CENPP: variants seen among roughly 807,000 people sequenced by gnomAD.
CENPP encodes the protein centromere protein P.
A neutral mutation model predicts 35.6 loss-of-function variants in CENPP; 24 were observed. The ratio of observed to expected loss-of-function variants is 0.67; its 90% CI spans 0.49 to 0.95. The LOEUF (loss-of-function observed/expected upper bound fraction) is 0.95. Among genes scored for constraint, CENPP ranks in the 40% least tolerant of loss-of-function variants. CENPP has a pLI of 0.00. For synonymous variants in CENPP, 120 were observed against 125.5 expected, an observed-to-expected ratio of 0.96 and a Z score of 0.29; for missense variants, 332 against 345.3, an observed-to-expected ratio of 0.96 and a Z score of 0.31.
chr9:92,401,474 T>C (rs1843109114), intron 5 of CENPP, among the ~76,000 whole-genome samples: 1 of 152,222 alleles, frequency 6.6e-6, no homozygotes, highest in African/African-American at 2.4e-5. Flanking sequence ...CATCCTGAAA[T>C]TCCAAATGAA....
chr9:92,612,997 C>T (rs764636730), intron 7 of CENPP, 22 bp from the exon 8 acceptor site: 15 of 1,613,026 alleles, frequency 9.3e-6, no homozygotes, highest in East Asian at 6.7e-5. Flanking sequence ...GTTTCTTACC[C>T]GGTTTAATGT....
At chr9:92,453,407 G>A (rs1479443365) in intron 5 of CENPP, among the ~76,000 whole-genome samples, 1 of 152,168 alleles carries the variant, frequency 6.6e-6, no homozygotes, top group Non-Finnish European at 1.5e-5. Flanking sequence ...TAGTTGAGCG[G>A]TTTTGAGTGA....
chr9:92,483,612 T>G (rs1394733058), intron 5 of CENPP, among the ~76,000 whole-genome samples: 1 of 152,236 alleles, frequency 6.6e-6, no homozygotes, highest in Non-Finnish European at 1.5e-5. Flanking sequence ...TGTATAGATT[T>G]GGAGGCCAGC....
At chr9:92,348,982 G>A (rs1841374665) in intron 4 of CENPP, among the ~76,000 whole-genome samples, 1 of 152,108 alleles carries the variant, frequency 6.6e-6, no homozygotes, top group African/African-American at 2.4e-5. Flanking sequence ...TCTTAATTTT[G>A]TGTTTCTGTA....
At chr9:92,397,742 A>G (rs1842948071) in intron 5 of CENPP, among the ~76,000 whole-genome samples, 1 of 152,222 alleles carries the variant, frequency 6.6e-6, no homozygotes, top group African/African-American at 2.4e-5. Context: ...AGAGAGAGCT[A>G]GGAAATAAAT....
chr9:92,522,065 GTTGTT>G lies in CENPP; in HGVS notation c.565-89221_565-89217del, dbSNP rs538087449. Among the ~76,000 whole-genome samples the G allele has an allele frequency of 4.5e-3, 687 of 152,004 alleles. 2 individuals are homozygous for G. Among genetic ancestry groups the G allele is most frequent in the African/African-American group, 0.012 (487 of 41,474 alleles). ...TTAAGTTGTTTTTGGTTTTTTGGGG[GTTGTT>G]TTGTTTTGTTTTGTTTTGTTTTGTT... On this transcript the variant is annotated intron_variant, in intron 5 of 7. Transcript: ENST00000375587.
chr9:92,366,857 G>C (rs1841899970), intron 4 of CENPP, among the ~76,000 whole-genome samples: 1 of 152,130 alleles, frequency 6.6e-6, no homozygotes, highest in Non-Finnish European at 1.5e-5. Flanking sequence ...GTTACTGCAG[G>C]TTGAACATCC....
At chr9:92,386,400 C>CTTGCATA in intron 5 of CENPP, 2 of 705,176 alleles carry the variant, frequency 2.8e-6, no homozygotes, top group South Asian at 3.3e-5. Flanking sequence ...TATATACAGA[C>CTTGCATA]TTGCATATTG....
At chr9:92,447,763 G>A (rs868628949) in intron 5 of CENPP, among the ~76,000 whole-genome samples, 4 of 152,214 alleles carry the variant, frequency 2.6e-5, no homozygotes, top group African/African-American at 9.6e-5. Context: ...CTGGTTGTCC[G>A]TAGAGATGCA....
At chr9:92,394,087 G>A (rs1588091278) in intron 5 of CENPP, among the ~76,000 whole-genome samples, 2 of 152,132 alleles carry the variant, frequency 1.3e-5, no homozygotes, top group African/African-American at 4.8e-5. Flanking sequence ...ACTAGTTTTA[G>A]CATCCATTGA....
chr9:92,495,502 G>A, intron 5 of CENPP: 2 of 983,082 alleles, frequency 2.0e-6, no homozygotes, highest in South Asian at 9.4e-5. Context: ...CAAGGTTATA[G>A]TCAAGAATAA....
chr9:92,385,602 A>G lies in CENPP; in HGVS notation c.564+5743A>G, dbSNP rs180995633. The G allele has an allele frequency of 3.7e-6, 6 of 1,607,162 alleles. No homozygotes were observed. In the East Asian group the frequency reaches 1.3e-4, roughly 36 times the overall value. ...TTAGTGTAGGTGTACTTTCATTTAT[A>G]TGTTGTACCAATAGAGGTTAAAAGT... On this transcript the variant is annotated intron_variant, in intron 5 of 7. Transcript: ENST00000375587.
At chr9:92,433,887 C>G (rs187659757) in intron 5 of CENPP, among the ~76,000 whole-genome samples, 1 of 151,288 alleles carries the variant, frequency 6.6e-6, no homozygotes, top group African/African-American at 2.4e-5. Context: ...GAGCCAAGAT[C>G]GCGCCATTGC....
At chr9:92,490,920 C>T (rs1846157922) in intron 5 of CENPP, among the ~76,000 whole-genome samples, 1 of 152,084 alleles carries the variant, frequency 6.6e-6, no homozygotes, top group South Asian at 2.1e-4. Context: ...AGGTTCCTTT[C>T]TTTTTTATTT....
At chr9:92,343,752 C>T (rs1841192638) in intron 3 of CENPP, among the ~76,000 whole-genome samples, 1 of 151,972 alleles carries the variant, frequency 6.6e-6, no homozygotes, top group Non-Finnish European at 1.5e-5. Context: ...TAAAGGCCAG[C>T]CTGGGCAACA....
intron 5 of CENPP, among the ~76,000 whole-genome samples, chr9:92,547,171 T>TA (rs1849484306): frequency 1.3e-5 from 2 of 152,202 alleles, no homozygotes; most frequent in South Asian, 4.1e-4. Context: ...AAATTTTTGA[T>TA]AAAATTCAAC....
chr9:92,417,445 A>T (rs1452663985), intron 5 of CENPP: 1 of 1,613,944 alleles, frequency 6.2e-7, no homozygotes, highest in African/African-American at 1.3e-5. Context: ...CTGTTTGGTA[A>T]TCATCATCTG....
chr9:92,527,479 A>T (rs1258839639), intron 5 of CENPP, among the ~76,000 whole-genome samples: 4 of 152,234 alleles, frequency 2.6e-5, no homozygotes, highest in Non-Finnish European at 5.9e-5. Flanking sequence ...TTTATGATGT[A>T]TGACAACAAA....
At chr9:92,390,492 A>G (rs756679664) in intron 5 of CENPP, among the ~76,000 whole-genome samples, 2 of 152,166 alleles carry the variant, frequency 1.3e-5, no homozygotes, top group Non-Finnish European at 2.9e-5. Context: ...TCTATGCCTT[A>G]TCGCTTAACA....
Sources: allele counts gnomAD v4.1 joint callset (sites outside exome capture counted in the v4.1 genomes callset), GRCh38; gene constraint gnomAD v4.1.1; transcripts MANE v1.5; gene names NCBI Gene and HGNC (gene_info 2026-07-23, HGNC 2026-07-21).